STAT1: variants seen among roughly 807,000 people sequenced by gnomAD.
STAT1 encodes signal transducer and activator of transcription 1-alpha/beta.
STAT1 carries 24 observed loss-of-function variants against 111.7 expected under a neutral mutation model. The ratio of observed to expected loss-of-function variants is 0.21; its 90% CI spans 0.16 to 0.30. STAT1 has a LOEUF of 0.30. Among genes scored for constraint, STAT1 ranks in the 10% least tolerant of loss-of-function variants. The pLI is 1.00. For synonymous variants in STAT1, 332 were observed against 326.5 expected, an observed-to-expected ratio of 1.02 and a Z score of -0.18; for missense variants, 351 against 911.9, an observed-to-expected ratio of 0.38 and a Z score of 7.92.
intron 2 of STAT1, among the ~76,000 whole-genome samples, chr2:191,010,209 G>A (rs533203232): frequency 1.1e-4 from 17 of 152,194 alleles, no homozygotes; most frequent in African/African-American, 3.1e-4. Context: ...TCTCCTCCAC[G>A]AAACACATCT....
At position 190,980,032 on chromosome 2, in the gene STAT1, C is replaced by T. The variant is rs756678981; in HGVS notation, c.1633-166G>A. 6.6e-6 allele frequency among the ~76,000 whole-genome samples: 1 copy of T among 152,212 alleles called. No homozygotes were observed. The highest frequency in any genetic ancestry group is 2.4e-5 in the African/African-American group (1 of 41,450). On this transcript the variant is annotated intron_variant, in intron 19 of 24. Transcript: ENST00000361099. This position sits in a 1 kb window ranked among gnomAD's most constrained non-coding sequence, Gnocchi z 6.1. ...CCTGGCAGGGAATATCAAGTTCCCT[C>T]CCCGCTCTTATCAGCATTCAGACCA...
At position 190,979,905 on chromosome 2, in the gene STAT1, T is replaced by TA. The variant is rs1413784949; in HGVS notation, c.1633-40dup. 1 of 1,409,530 alleles carries TA rather than the reference T, an allele frequency of 7.1e-7. No individual in the cohort carries two copies. The highest frequency in any genetic ancestry group is 1.7e-5 in the Admixed American group (1 of 59,348). 87.3% of individuals were successfully genotyped at this position (1,409,530 alleles called of 1,614,324 possible). A position where few individuals can be genotyped will look rare whatever the true frequency, so the allele number is the denominator to read the frequency against. ...AATGCAGACATTATGAACAAAAATC[T>TA]AAAACAATGACTTACCATGGCCCCT... is the stretch of plus-strand genomic sequence containing the variant. On this transcript the variant is annotated intron_variant, in intron 19 of 24. Coordinates refer to ENST00000361099, the MANE Select transcript of STAT1 (RefSeq NM_007315.4). The surrounding 1 kb of genome is among the most constrained non-coding windows in gnomAD (Gnocchi z 5.8).
In STAT1 at chr2:190,974,656, G is replaced by A. The variant is rs772657091; in HGVS notation, c.2238+174C>T. ...GAATAAAAATCCCACTGATGATGTA[G>A]GTGGTTTAAATCCAGCAGCTCCAAC... is the stretch of plus-strand genomic sequence containing the variant. On this transcript the variant is annotated intron_variant, in intron 24 of 24. Transcript: ENST00000361099. This position sits in a 1 kb window ranked among gnomAD's most constrained non-coding sequence, Gnocchi z 4.8. 6.6e-6 allele frequency among the ~76,000 whole-genome samples: 1 copy of A among 152,242 alleles called. No individual in the cohort carries two copies. The highest frequency in any genetic ancestry group is 1.5e-5 in the Non-Finnish European group (1 of 68,040).
Position 190,982,551 on chromosome 2 carries a change from C to T in STAT1, c.1447-33G>A. On this transcript the variant is annotated intron_variant, in intron 17 of 24. Coordinates refer to ENST00000361099, the MANE Select transcript of STAT1 (RefSeq NM_007315.4). This position sits in a 1 kb window ranked among gnomAD's most constrained non-coding sequence, Gnocchi z 7.3. ...GAAAACACCCAAAATCTAAGGGTTA[C>T]TACAGAGACACCAGTCACAAGTGTG... The T allele has an allele frequency of 6.2e-7, 1 of 1,613,142 alleles. No homozygotes were observed. The highest frequency in any genetic ancestry group is 1.6e-4 in the Middle Eastern group (1 of 6,062).
chr2:190,987,687 GT>G lies in STAT1; in HGVS notation c.1098-620del, dbSNP rs1692961214. 6.6e-6 allele frequency among the ~76,000 whole-genome samples: 1 copy of G among 152,152 alleles called. No individual in the cohort carries two copies. The highest frequency in any genetic ancestry group is 2.1e-4 in the South Asian group (1 of 4,826). ...GAAAGACCTTGCACTTCTATATCCA[GT>G]GATTACTTTGTCATGTTCTGGCCAA... On this transcript the variant is annotated intron_variant, in intron 12 of 24. Transcript: ENST00000361099. This position sits in a 1 kb window ranked among gnomAD's most constrained non-coding sequence, Gnocchi z 4.0.
chr2:190,986,671 C>T lies in STAT1; in HGVS notation c.1221+183G>A, dbSNP rs762743989. Among the ~76,000 whole-genome samples the T allele has an allele frequency of 2.6e-5, 4 of 152,150 alleles. No individual in the cohort carries two copies. Among genetic ancestry groups the T allele is most frequent in the African/African-American group, 7.2e-5 (3 of 41,430 alleles). ...CAGCCCAGAAAACAGAGTGAACAGT[C>T]GTGGGATAAGGAGGAGAAACCAAAA... On this transcript the variant is annotated intron_variant, in intron 14 of 24. Transcript: ENST00000361099. The surrounding 1 kb of genome is among the most constrained non-coding windows in gnomAD (Gnocchi z 5.0).
At chr2:191,009,235 T>G in intron 3 of STAT1, 128 bp from the exon 4 acceptor site, 5 of 1,220,192 alleles carry the variant, frequency 4.1e-6, no homozygotes, top group Non-Finnish European at 5.7e-6. Context: ...GTTTATTTTC[T>G]TCTTTTGAAA....
chr2:190,991,033 T>C (rs1693286866), intron 11 of STAT1, among the ~76,000 whole-genome samples, 195 bp downstream of exon 11: 1 of 152,238 alleles, frequency 6.6e-6, no homozygotes, highest in Non-Finnish European at 1.5e-5. Flanking sequence ...TGTACATATA[T>C]GTATATCAGT....
Position 190,989,344 on chromosome 2 carries a change from A to G in STAT1, c.1097+271T>C, listed in dbSNP as rs1476438735. Among the ~76,000 whole-genome samples the G allele has an allele frequency of 2.0e-5, 3 of 152,206 alleles. No individual in the cohort carries two copies. On this transcript the variant is annotated intron_variant, in intron 12 of 24. Transcript: ENST00000361099. This position sits in a 1 kb window ranked among gnomAD's most constrained non-coding sequence, Gnocchi z 5.0. ...GAATGTTGATACCAGCTCCAGGGGA[A>G]GCTCCCAACATCCACCAAGGGAGCT...
chr2:190,983,402 A>C lies in STAT1; in HGVS notation c.1446+240T>G, dbSNP rs1382852112. On this transcript the variant is annotated intron_variant, in intron 17 of 24. Transcript: ENST00000361099. This position sits in a 1 kb window ranked among gnomAD's most constrained non-coding sequence, Gnocchi z 5.7. Reference sequence around the variant, plus strand: ...ATACATTTTAAAAATAATAACAATAAAGTGGTATGGAATCACTGACTGCCC... The same window carrying C: ...ATACATTTTAAAAATAATAACAATACAGTGGTATGGAATCACTGACTGCCC... 6.6e-6 allele frequency among the ~76,000 whole-genome samples: 1 copy of C among 152,228 alleles called. No homozygotes were observed. Among genetic ancestry groups the C allele is most frequent in the Admixed American group, 6.5e-5 (1 of 15,292 alleles).
At chr2:191,001,739 A>G (rs1382123835) in intron 5 of STAT1, among the ~76,000 whole-genome samples, 1 of 152,190 alleles carries the variant, frequency 6.6e-6, no homozygotes, top group Admixed American at 6.5e-5. Context: ...CTTGCCTGGG[A>G]GTATTCAGTC....
rs1382073656 is a variant in STAT1 at position 191,012,531 on chromosome 2, G to A, written c.-2+994C>T. Among the ~76,000 whole-genome samples the A allele has an allele frequency of 6.6e-6, 1 of 151,982 alleles. No homozygotes were observed. The highest frequency in any genetic ancestry group is 2.4e-5 in the African/African-American group (1 of 41,368). Reference sequence around the variant, plus strand: ...GTGGCATGGCCATCTCCCAGTCACTGAGCTCAAATCTCAGATTTAGGGTTG... The same window carrying A: ...GTGGCATGGCCATCTCCCAGTCACTAAGCTCAAATCTCAGATTTAGGGTTG... On this transcript the variant is annotated intron_variant, in intron 2 of 24. Transcript: ENST00000361099. This position sits in a 1 kb window ranked among gnomAD's most constrained non-coding sequence, Gnocchi z 4.0.
At position 190,984,090 on chromosome 2, in the gene STAT1, C is replaced by T. The variant is rs1011892768; in HGVS notation, c.1347+220G>A. ...TGTAAAAAAAAAAAATTAACATCAG[C>T]GATCTCAACTGGAACTTTTAAGTTA... is the stretch of plus-strand genomic sequence containing the variant. On this transcript the variant is annotated intron_variant, in intron 16 of 24. Coordinates refer to ENST00000361099, the MANE Select transcript of STAT1 (RefSeq NM_007315.4). This position sits in a 1 kb window ranked among gnomAD's most constrained non-coding sequence, Gnocchi z 5.2. Among the ~76,000 whole-genome samples, 11 of 151,406 alleles carry T rather than the reference C, an allele frequency of 7.3e-5. No homozygotes were observed. The highest frequency in any genetic ancestry group is 1.9e-4 in the African/African-American group (8 of 41,214).
chr2:191,004,055 A>G lies in STAT1; in HGVS notation c.373-2892T>C, dbSNP rs1367271532. Among the ~76,000 whole-genome samples, 1 of 152,112 alleles carries G rather than the reference A, an allele frequency of 6.6e-6. No homozygotes were observed. The highest frequency in any genetic ancestry group is 1.5e-5 in the Non-Finnish European group (1 of 68,010). On this transcript the variant is annotated intron_variant, in intron 5 of 24. Coordinates refer to ENST00000361099, the MANE Select transcript of STAT1 (RefSeq NM_007315.4). The surrounding 1 kb of genome is among the most constrained non-coding windows in gnomAD (Gnocchi z 5.0). ...CCTGGTGACTGTGGCAGGGCCTAAG[A>G]AATCTCCTGCTTCCAACTTGGGCAG... is the stretch of plus-strand genomic sequence containing the variant.
Position 190,997,120 on chromosome 2 carries a change from C to T in STAT1, c.785+736G>A, listed in dbSNP as rs964786224. 6.6e-6 allele frequency among the ~76,000 whole-genome samples: 1 copy of T among 152,244 alleles called. No individual in the cohort carries two copies. The highest frequency in any genetic ancestry group is 1.5e-5 in the Non-Finnish European group (1 of 68,044). On this transcript the variant is annotated intron_variant, in intron 9 of 24. Transcript: ENST00000361099. The surrounding 1 kb of genome is among the most constrained non-coding windows in gnomAD (Gnocchi z 7.3). ...CCCTGGACACCCCACTCTCCAGCCA[C>T]CCAATACAGCCCCTGCAGTCTCCCA... is the stretch of plus-strand genomic sequence containing the variant.
Position 190,976,707 on chromosome 2 carries a change from G to A in STAT1, c.2059+133C>T. ...ATGCATTATGTTTCACCTGCACTGA[G>A]TTTATGCCATCTTTTGAAAGCCTAC... On this transcript the variant is annotated intron_variant, in intron 22 of 24. Coordinates refer to ENST00000361099, the MANE Select transcript of STAT1 (RefSeq NM_007315.4). This position sits in a 1 kb window ranked among gnomAD's most constrained non-coding sequence, Gnocchi z 6.0. The A allele has an allele frequency of 2.6e-6, 2 of 772,514 alleles. No homozygotes were observed. The highest frequency in any genetic ancestry group is 4.5e-6 in the Non-Finnish European group (2 of 440,866). 47.9% of individuals were successfully genotyped at this position (772,514 alleles called of 1,614,324 possible).
Position 190,993,010 on chromosome 2 carries a change from G to A in STAT1, c.945-1690C>T, listed in dbSNP as rs1033180345. 11 of 268,120 alleles carry A rather than the reference G, an allele frequency of 4.1e-5. No individual in the cohort carries two copies. The highest frequency in any genetic ancestry group is 8.2e-5 in the South Asian group (2 of 24,436). 16.6% of individuals were successfully genotyped at this position (268,120 alleles called of 1,614,324 possible). A position where few individuals can be genotyped will look rare whatever the true frequency, so the allele number is the denominator to read the frequency against. On this transcript the variant is annotated intron_variant, in intron 10 of 24. Transcript: ENST00000361099. This position sits in a 1 kb window ranked among gnomAD's most constrained non-coding sequence, Gnocchi z 4.1. The stretch of plus-strand genomic sequence containing the variant: ...TCATCATGTTGGCCAGGCTGCTCTC[G>A]AACTCCTGACCTCAGGTGATCCACC...
At chr2:191,002,932 G>C (rs1443350934) in intron 5 of STAT1, among the ~76,000 whole-genome samples, 1 of 152,110 alleles carries the variant, frequency 6.6e-6, no homozygotes, top group Non-Finnish European at 1.5e-5. Flanking sequence ...TTAATTTAGT[G>C]AATTGCATTA....
chr2:190,986,998 A>G lies in STAT1; in HGVS notation c.1127+41T>C, dbSNP rs1244982185. 6.2e-7 allele frequency: 1 copy of G among 1,611,506 alleles called. No individual in the cohort carries two copies. The highest frequency in any genetic ancestry group is 8.5e-7 in the Non-Finnish European group (1 of 1,177,584). ...GAAAAGTCTTCCAACTATTAAATAA[A>G]TAAAAATATAGCACAGTATAGCGTA... On this transcript the variant is annotated intron_variant, in intron 13 of 24. Coordinates refer to ENST00000361099, the MANE Select transcript of STAT1 (RefSeq NM_007315.4). This position sits in a 1 kb window ranked among gnomAD's most constrained non-coding sequence, Gnocchi z 5.0.
Sources: allele counts gnomAD v4.1 joint callset (sites outside exome capture counted in the v4.1 genomes callset), GRCh38; gene constraint gnomAD v4.1.1; non-coding constraint Gnocchi (gnomAD v3.1); transcripts MANE v1.5; gene names NCBI Gene and HGNC (gene_info 2026-07-23, HGNC 2026-07-21).